Variants in FGF13 observed in about 807,000 individuals in gnomAD.
The protein encoded by FGF13 is fibroblast growth factor homologous factor 2.
A neutral mutation model predicts 19.5 loss-of-function variants in FGF13; 2 were observed. The ratio of observed to expected loss-of-function variants is 0.10; its 90% CI spans 0.04 to 0.32. FGF13 has a LOEUF of 0.32. Among genes scored for constraint, FGF13 ranks in the 10% least tolerant of loss-of-function variants. The probability of loss-of-function intolerance (pLI) is 1.00; values close to 1 mark genes in which losing one functional copy is unlikely to be tolerated. For missense variants in FGF13, 113 were observed against 192.7 expected (o/e 0.59, Z 2.45); for synonymous variants, 72 against 76.9 (o/e 0.94, Z 0.33).
intron 3 of FGF13, among the ~76,000 whole-genome samples, chrX:138,744,456 G>T (rs771183493): frequency 3.6e-5 from 4 of 111,836 alleles, no homozygotes; most frequent in East Asian, 2.9e-4. Flanking sequence ...GCTTTTATAA[G>T]AATTAAATGA....
intron 3 of FGF13, among the ~76,000 whole-genome samples, chrX:138,783,589 G>A (rs1360544780): frequency 1.0e-5 from 1 of 98,649 alleles, no homozygotes; most frequent in African/African-American, 3.5e-5. Context: ...GGCCATCAGA[G>A]AAATGCAAAT....
At position 138,624,336 on chromosome X, in the gene FGF13, T is replaced by C. The variant is rs1316876727; in HGVS notation, c.*8514A>G. The C allele has an allele frequency of 8.9e-6, 1 of 111,773 alleles. No individual in the cohort carries two copies. The highest frequency in any genetic ancestry group is 2.8e-4 in the East Asian group (1 of 3,556). The allele number at this position is 111,773 out of a possible 1,213,427, so 9.2% of individuals were successfully genotyped here. On this transcript the variant is annotated 3_prime_UTR_variant, in exon 5 of 5. Transcript: ENST00000315930. Reference sequence around the variant, plus strand: ...ACACATCATGGGGAAATATAGTCCATTCAATAAATCGTATTTTAAACATTG... The same window carrying C: ...ACACATCATGGGGAAATATAGTCCACTCAATAAATCGTATTTTAAACATTG...
At chrX:138,809,320 C>T (rs7054775) in intron 3 of FGF13, among the ~76,000 whole-genome samples, 184 of 111,972 alleles carry the variant, frequency 1.6e-3, no homozygotes, top group African/African-American at 5.8e-3. Context: ...TAATCCATCA[C>T]ATAAACAGAA....
chrX:139,170,684 C>T (rs1353996440), intron 1 of FGF13, among the ~76,000 whole-genome samples: 1 of 111,472 alleles, frequency 9.0e-6, no homozygotes, highest in Admixed American at 9.6e-5. Flanking sequence ...TAGCGGCTCC[C>T]TCCTCAAGGC....
chrX:138,722,502 T>C lies in FGF13; in HGVS notation c.29-13574A>G, dbSNP rs188036917. On this transcript the variant is annotated intron_variant, in intron 1 of 4. Transcript: ENST00000305414. ...GGGGCCTGGGTTTAATTTTCAGAGCTACATATATGTTTAAAAAGGTAGCTC... is the reference window on the plus strand; with the variant it reads ...GGGGCCTGGGTTTAATTTTCAGAGCCACATATATGTTTAAAAAGGTAGCTC... 1.6e-4 allele frequency among the ~76,000 whole-genome samples: 18 copies of C among 111,187 alleles called. No individual in the cohort carries two copies. In the East Asian group the frequency reaches 4.5e-3, roughly 28 times the overall value.
intron 1 of FGF13, among the ~76,000 whole-genome samples, chrX:139,167,977 C>A (rs1865590512): frequency 8.9e-6 from 1 of 112,109 alleles, no homozygotes; most frequent in African/African-American, 3.2e-5. Flanking sequence ...GAGAAGACAT[C>A]ATATTTCACA....
chrX:138,822,685 T>C (rs777195032), intron 3 of FGF13, among the ~76,000 whole-genome samples: 23 of 112,475 alleles, frequency 2.0e-4, no homozygotes, highest in Admixed American at 1.4e-3. Flanking sequence ...GACATTGCTA[T>C]TTAACTGCTC....
chrX:139,066,909 A>C (rs2092358668), intron 1 of FGF13, among the ~76,000 whole-genome samples: 1 of 111,378 alleles, frequency 9.0e-6, no homozygotes, highest in African/African-American at 3.3e-5. Flanking sequence ...CAAATCCAGC[A>C]GCACATCAAA....
intron 3 of FGF13, among the ~76,000 whole-genome samples, chrX:138,781,400 C>T (rs1448988960): frequency 3.6e-5 from 4 of 110,074 alleles, no homozygotes; most frequent in Non-Finnish European, 7.6e-5. Flanking sequence ...AAAAGATCAA[C>T]AAAATTGATA....
At chrX:138,918,904 G>C (rs2091631109) in intron 1 of FGF13, among the ~76,000 whole-genome samples, 1 of 111,956 alleles carries the variant, frequency 8.9e-6, no homozygotes, top group Non-Finnish European at 1.9e-5. Context: ...GTTGCCATCA[G>C]AGTATCTGTC....
chrX:138,686,997 A>C lies in FGF13; in HGVS notation c.402+15987T>G, dbSNP rs183837226. On this transcript the variant is annotated intron_variant, in intron 3 of 4. Coordinates refer to ENST00000315930, the MANE Select transcript of FGF13 (RefSeq NM_004114.5). The stretch of plus-strand genomic sequence containing the variant: ...ACCTACCACATTCAACATATACAAA[A>C]ATCAACTCAAAATGTATTAAAGATC... 3.1e-4 allele frequency among the ~76,000 whole-genome samples: 35 copies of C among 112,121 alleles called. No homozygotes were observed. In the East Asian group the frequency reaches 8.7e-3, roughly 28 times the overall value.
chrX:138,771,245 C>T (rs1452659825), intron 3 of FGF13, among the ~76,000 whole-genome samples: 1 of 111,833 alleles, frequency 8.9e-6, no homozygotes, highest in Non-Finnish European at 1.9e-5. Context: ...ACATCTGCTA[C>T]TCATTTGTTT....
chrX:138,721,031 T>C (rs1292111967), intron 1 of FGF13, among the ~76,000 whole-genome samples: 1 of 111,950 alleles, frequency 8.9e-6, no homozygotes, highest in East Asian at 2.8e-4. Context: ...ATTGTCAACA[T>C]TGATGTTCAA....
At chrX:138,673,995 AG>A (rs757790930) in intron 3 of FGF13, among the ~76,000 whole-genome samples, 2 of 110,851 alleles carry the variant, frequency 1.8e-5, no homozygotes, top group Non-Finnish European at 3.8e-5. Flanking sequence ...GGAGGGGGAG[AG>A]GGAGGCATTC....
At chrX:138,726,722 A>G (rs2090188804) in intron 1 of FGF13, among the ~76,000 whole-genome samples, 1 of 112,005 alleles carries the variant, frequency 8.9e-6, no homozygotes, top group Non-Finnish European at 1.9e-5. Flanking sequence ...TGAAATGGAG[A>G]AGAATAATAG....
rs766969447 is a variant in FGF13, at chrX:138,748,033, G to A, written c.218-39105C>T. Among the ~76,000 whole-genome samples the A allele has an allele frequency of 1.2e-4, 13 of 111,076 alleles. 1 individual carries two copies. The highest frequency in any genetic ancestry group is 1.9e-4 in the Non-Finnish European group (10 of 53,008). ...TCAAATACCGTTTCTCAAGCCCAAA[G>A]GTTCTCTGGGACTTCCACTAGTCCC... On this transcript the variant is annotated intron_variant, in intron 3 of 6. Coordinates refer to the FGF13 transcript ENST00000436198.
At chrX:139,100,161 G>A (rs767550581) in intron 1 of FGF13, among the ~76,000 whole-genome samples, 2 of 110,355 alleles carry the variant, frequency 1.8e-5, no homozygotes, top group East Asian at 5.7e-4. Flanking sequence ...TAATAGTATG[G>A]CATCAGAAAG....
At position 138,711,669 on chromosome X, in the gene FGF13, C is replaced by A; in HGVS notation, c.-666G>T. ...GCTGCTGCTCTGGGCGCGGCACAGTCGCAGCACAGGAATTCAGCCGCCGCA... is the reference window on the plus strand; with the variant it reads ...GCTGCTGCTCTGGGCGCGGCACAGTAGCAGCACAGGAATTCAGCCGCCGCA... On this transcript the variant is annotated 5_prime_UTR_variant, in exon 1 of 5. Transcript: ENST00000315930. 1.3e-6 allele frequency: 1 copy of A among 754,626 alleles called. No individual in the cohort carries two copies. The highest frequency in any genetic ancestry group is 1.6e-6 in the Non-Finnish European group (1 of 639,091). The allele number at this position is 754,626 out of a possible 1,213,427, so 62.2% of individuals were successfully genotyped here.
chrX:139,104,111 A>C (rs2083538590), intron 1 of FGF13, among the ~76,000 whole-genome samples: 1 of 111,441 alleles, frequency 9.0e-6, no homozygotes, highest in Non-Finnish European at 1.9e-5. Flanking sequence ...AAATGTATTA[A>C]TGTTGGGTAA....
Sources: gnomAD v4.1 joint callset for allele counts (sites outside exome capture counted in the v4.1 genomes callset) on GRCh38, gnomAD v4.1.1 for gene constraint, MANE v1.5 for transcripts, NCBI Gene and HGNC (gene_info 2026-07-23, HGNC 2026-07-21) for gene names.